NRG3: variants seen among roughly 807,000 people sequenced by gnomAD.
The protein encoded by NRG3 is neuregulin 3.
NRG3 carries 31 observed loss-of-function variants against 66.9 expected under a neutral mutation model. That is an observed-to-expected ratio of 0.46 (90% confidence interval 0.35 to 0.63). The LOEUF is 0.63. Among genes scored for constraint, NRG3 ranks in the 20% least tolerant of loss-of-function variants. NRG3 has a pLI of 0.00. For missense variants in NRG3, 910 were observed against 878.9 expected, an observed-to-expected ratio of 1.04 and a Z score of -0.45; for synonymous variants, 393 against 359.4, an observed-to-expected ratio of 1.09 and a Z score of -1.06.
intron 1 of NRG3, among the ~76,000 whole-genome samples, chr10:81,960,204 T>C (rs563789816): frequency 6.6e-6 from 1 of 152,310 alleles, no homozygotes; most frequent in South Asian, 2.1e-4. Flanking sequence ...GAATATAGTT[T>C]TATTGTGTTT....
intron 1 of NRG3, among the ~76,000 whole-genome samples, chr10:82,268,544 T>A (rs1299963765): frequency 6.6e-6 from 1 of 152,118 alleles, no homozygotes; most frequent in African/African-American, 2.4e-5. Context: ...AAATCTATCC[T>A]CTTTCTTATA....
At chr10:82,486,572 A>G (rs1842695500) in intron 2 of NRG3, among the ~76,000 whole-genome samples, 2 of 151,952 alleles carry the variant, frequency 1.3e-5, no homozygotes, top group South Asian at 4.2e-4. Flanking sequence ...GTGCCACCCC[A>G]CCTGGCTAAT....
At chr10:82,710,196 G>A (rs908454548) in intron 2 of NRG3, among the ~76,000 whole-genome samples, 9 of 152,184 alleles carry the variant, frequency 5.9e-5, no homozygotes, top group African/African-American at 2.2e-4. Flanking sequence ...GGAGCTGCCA[G>A]ATCATAGGAT....
intron 3 of NRG3, among the ~76,000 whole-genome samples, chr10:82,758,787 C>A (rs1453486390): frequency 6.6e-6 from 1 of 151,786 alleles, no homozygotes; most frequent in Admixed American, 6.6e-5. Flanking sequence ...CAGTGAAATG[C>A]TGTCTTGCCA....
intron 1 of NRG3, among the ~76,000 whole-genome samples, chr10:82,333,899 A>G (rs996484978): frequency 6.6e-6 from 1 of 152,126 alleles, no homozygotes; most frequent in African/African-American, 2.4e-5. Context: ...AGAGAGAAAA[A>G]GGGATGGGAG....
intron 7 of NRG3, among the ~76,000 whole-genome samples, chr10:82,976,639 T>C (rs556602561): frequency 6.6e-6 from 1 of 152,328 alleles, no homozygotes; most frequent in Non-Finnish European, 1.5e-5. Context: ...TTCTACCTTT[T>C]TTGTTTTCTG....
At chr10:82,007,728 A>G (rs2061426776) in intron 1 of NRG3, among the ~76,000 whole-genome samples, 1 of 152,112 alleles carries the variant, frequency 6.6e-6, no homozygotes, top group Non-Finnish European at 1.5e-5. Flanking sequence ...AGATATTTTC[A>G]ATACAATGAA....
chr10:82,342,599 C>A (rs7893749), intron 1 of NRG3, among the ~76,000 whole-genome samples: 4 of 151,488 alleles, frequency 2.6e-5, no homozygotes, highest in African/African-American at 9.7e-5. Flanking sequence ...TGTGTTTTGC[C>A]CCCTTTTTAA....
chr10:81,942,621 T>C (rs1848495712), intron 1 of NRG3, among the ~76,000 whole-genome samples: 1 of 152,134 alleles, frequency 6.6e-6, no homozygotes, highest in Non-Finnish European at 1.5e-5. Context: ...ATTTCTCAAG[T>C]TTCCCAACTC....
intron 2 of NRG3, among the ~76,000 whole-genome samples, chr10:82,676,075 A>G (rs2053660175): frequency 6.6e-6 from 1 of 152,196 alleles, no homozygotes; most frequent in African/African-American, 2.4e-5. Context: ...TATTTTGCTT[A>G]AAATTAACAG....
intron 2 of NRG3, among the ~76,000 whole-genome samples, chr10:82,626,963 C>G (rs946844838): frequency 1.3e-5 from 2 of 151,918 alleles, no homozygotes; most frequent in African/African-American, 4.8e-5. Context: ...TATCAGCTAC[C>G]TTGAGAAAGA....
chr10:82,659,232 C>T (rs940520464), intron 2 of NRG3, among the ~76,000 whole-genome samples: 1 of 152,236 alleles, frequency 6.6e-6, no homozygotes, highest in Non-Finnish European at 1.5e-5. Context: ...TTTCTTCCAT[C>T]ATTAAAATAT....
chr10:81,977,481 C>A (rs762313100), intron 1 of NRG3, among the ~76,000 whole-genome samples: 1 of 152,132 alleles, frequency 6.6e-6, no homozygotes, highest in Non-Finnish European at 1.5e-5. Flanking sequence ...TCTGTGTTGG[C>A]TGAGTTAATC....
At position 82,723,647 on chromosome 10, in the gene NRG3, C is replaced by T. The variant is rs536159084; in HGVS notation, c.954-14930C>T. On this transcript the variant is annotated intron_variant, in intron 2 of 8. Transcript: ENST00000372141. ...TAATTCCTGAAGCCTTTGGAAAATACGATAAATTTTAAAAATAAGATTTAA... is the reference window on the plus strand; with the variant it reads ...TAATTCCTGAAGCCTTTGGAAAATATGATAAATTTTAAAAATAAGATTTAA... Among the ~76,000 whole-genome samples, 42 of 151,978 alleles carry T rather than the reference C, an allele frequency of 2.8e-4. No individual in the cohort carries two copies. The South Asian group carries it at 3.5e-3, about 13-fold the overall frequency.
intron 1 of NRG3, among the ~76,000 whole-genome samples, chr10:82,300,368 G>A (rs376028239): frequency 1.7e-4 from 26 of 152,074 alleles, no homozygotes; most frequent in African/African-American, 5.8e-4. Context: ...TTACTTTTGT[G>A]TGTTTGAAAA....
intron 1 of NRG3, among the ~76,000 whole-genome samples, chr10:82,348,483 C>T (rs1490563829): frequency 6.6e-6 from 1 of 150,700 alleles, no homozygotes; most frequent in Non-Finnish European, 1.5e-5. Context: ...TGACCTTTCT[C>T]TCTGGCTGCT....
At chr10:82,403,991 G>A (rs757397523) in intron 2 of NRG3, among the ~76,000 whole-genome samples, 1 of 152,128 alleles carries the variant, frequency 6.6e-6, no homozygotes, top group East Asian at 1.9e-4. Context: ...GTAACTTGAG[G>A]TTTGCTGACC....
At chr10:82,905,782 G>A (rs999576908) in intron 4 of NRG3, among the ~76,000 whole-genome samples, 1 of 151,978 alleles carries the variant, frequency 6.6e-6, no homozygotes, top group Non-Finnish European at 1.5e-5. Context: ...TATTTAAAGG[G>A]CAGCTTTGTC....
intron 1 of NRG3, among the ~76,000 whole-genome samples, chr10:82,205,507 A>AACTCAG (rs2075072280): frequency 6.6e-6 from 1 of 152,204 alleles, no homozygotes; most frequent in Admixed American, 6.5e-5. Context: ...AGTAAGAGGT[A>AACTCAG]TATGAATCAG....
Sources: allele counts gnomAD v4.1 joint callset (sites outside exome capture counted in the v4.1 genomes callset), GRCh38; gene constraint gnomAD v4.1.1; transcripts MANE v1.5; gene names NCBI Gene and HGNC (gene_info 2026-07-23, HGNC 2026-07-21).